PRPF39: variants seen among roughly 807,000 people sequenced by gnomAD.
PRPF39 encodes the protein pre-mRNA-processing factor 39.
A neutral mutation model predicts 82.1 loss-of-function variants in PRPF39; 27 were observed. The observed-to-expected ratio is 0.33, with a 90% CI of 0.24 to 0.45. The LOEUF (loss-of-function observed/expected upper bound fraction) is 0.45, where lower values mean the gene tolerates loss of function less well. PRPF39 is among the 20% of genes least tolerant of loss of function. The pLI, the probability that PRPF39 is intolerant of heterozygous loss-of-function variation, is 1.00. For missense variants in PRPF39, 581 were observed against 796.9 expected (o/e 0.73, Z 3.26); for synonymous variants, 261 against 256.4 (o/e 1.02, Z -0.17).
Position 45,108,431 on chromosome 14 carries a change from A to G in PRPF39, c.920A>G (p.Glu307Gly). The G allele has an allele frequency of 6.3e-7, 1 of 1,580,472 alleles. No individual in the cohort carries two copies. The highest frequency in any genetic ancestry group is 8.5e-7 in the Non-Finnish European group (1 of 1,170,000). ...CTTCCCAAGCTAATTACAGAAATAG[A>G]AAACATGAGACATAGAATCATTGAG... Reference protein sequence around the residue: ...TDPAKLITEIENMRHRIIEIH... With the variant: ...TDPAKLITEIGNMRHRIIEIH... The change falls in exon 7 of 14, where the codon GAA becomes GGA. Residue 307 changes from glutamate to glycine, a missense_variant. Glu to Gly is a moderately conservative substitution (Grantham distance 98, BLOSUM62 -2). Coordinates refer to ENST00000355765, the MANE Select transcript of PRPF39 (RefSeq NM_017922.4).
In PRPF39 at chr14:45,096,947, A is replaced by C; in HGVS notation, c.511A>C (p.Asn171His). ...LSVDLWIHYI[N>H]FLKETLDPGD... ...TGTTGACCTTTGGATACATTATATAAACTTCTTAAAAGAAACATTGGACCC... is the reference window on the plus strand; with the variant it reads ...TGTTGACCTTTGGATACATTATATACACTTCTTAAAAGAAACATTGGACCC... The change falls in exon 4 of 14, where the codon AAC becomes CAC. Residue 171 changes from asparagine to histidine, a missense_variant. By Grantham distance (68) the Asn-to-His change is moderately conservative. Transcript: ENST00000355765. 6.4e-7 allele frequency: 1 copy of C among 1,553,072 alleles called. No individual in the cohort carries two copies. Among genetic ancestry groups the C allele is most frequent in the Non-Finnish European group, 8.7e-7 (1 of 1,148,018 alleles).
Position 45,110,955 on chromosome 14 carries a change from A to G in PRPF39, c.1572+138A>G. On this transcript the variant is annotated intron_variant, in intron 10 of 13. Transcript: ENST00000355765. This position sits in a 1 kb window ranked among gnomAD's most constrained non-coding sequence, Gnocchi z 4.0. ...CTAAATGAGGACAACAGTCCCTCTA[A>G]ACTGATGTTGCCATTTAAAAATTTT... 1.2e-6 allele frequency: 1 copy of G among 859,418 alleles called. No homozygotes were observed. The highest frequency in any genetic ancestry group is 2.7e-5 in the East Asian group (1 of 37,194). The allele number at this position is 859,418 out of a possible 1,614,324, so 53.2% of individuals were successfully genotyped here.
At chr14:45,086,685 A>T (rs1449054556) in intron 1 of PRPF39, among the ~76,000 whole-genome samples, 1 of 152,190 alleles carries the variant, frequency 6.6e-6, no homozygotes, top group Admixed American at 6.5e-5. Flanking sequence ...GTTACACGGC[A>T]AGTATTATTT....
In PRPF39 at chr14:45,110,505, T is replaced by C. The variant is rs999418303; in HGVS notation, c.1304-44T>C. On this transcript the variant is annotated intron_variant, in intron 9 of 13. Coordinates refer to ENST00000355765, the MANE Select transcript of PRPF39 (RefSeq NM_017922.4). The surrounding 1 kb of genome is among the most constrained non-coding windows in gnomAD (Gnocchi z 4.0). Reference sequence around the variant, plus strand: ...CAGTATCTGGTTATAAACGTTATTTTGGTTGTTTAAACCAAAGCATAAACA... The same window carrying C: ...CAGTATCTGGTTATAAACGTTATTTCGGTTGTTTAAACCAAAGCATAAACA... The C allele has an allele frequency of 6.6e-7, 1 of 1,514,596 alleles. No individual in the cohort carries two copies. The highest frequency in any genetic ancestry group is 2.5e-5 in the East Asian group (1 of 40,670). 93.8% of individuals were successfully genotyped at this position (1,514,596 alleles called of 1,614,324 possible).
At chr14:45,109,499 TA>T (rs1884639793) in intron 7 of PRPF39, 116 bp from the exon 8 acceptor site, 1 of 844,804 alleles carries the variant, frequency 1.2e-6, no homozygotes, top group Admixed American at 3.8e-5. Flanking sequence ...AATTATGAAA[TA>T]TGATTAAAAA....
intron 7 of PRPF39, among the ~76,000 whole-genome samples, chr14:45,108,780 T>A (rs964710998): frequency 6.6e-6 from 1 of 152,204 alleles, no homozygotes; most frequent in Non-Finnish European, 1.5e-5. Flanking sequence ...AATTGTTCAA[T>A]TTTTAAAAGT....
Position 45,110,613 on chromosome 14 carries a change from G to C in PRPF39, c.1368G>C (p.Met456Ile). Residue 456 changes from methionine to isoleucine, a missense_variant, in exon 10 of 14, where the codon ATG becomes ATC. Transcript: ENST00000355765. This position sits in a 1 kb window ranked among gnomAD's most constrained non-coding sequence, Gnocchi z 4.0. ...AAGAATGTGTTCTAGGATTGGCAAT[G>C]GTTCGTTTACGAAGAGTAAGTTTAG... ...TFEECVLGLA[M>I]VRLRRVSLER... 1.9e-6 allele frequency: 3 copies of C among 1,572,324 alleles called. No individual in the cohort carries two copies. The highest frequency in any genetic ancestry group is 2.6e-6 in the Non-Finnish European group (3 of 1,157,304).
In PRPF39 at chr14:45,110,991, T is replaced by C; in HGVS notation, c.1572+174T>C. On this transcript the variant is annotated intron_variant, in intron 10 of 13. Transcript: ENST00000355765. The surrounding 1 kb of genome is among the most constrained non-coding windows in gnomAD (Gnocchi z 4.0). The stretch of plus-strand genomic sequence containing the variant: ...CCATTTAAAAATTTTTTTCAAATTG[T>C]TTTGAATTAAAAGTTTTAGACATTA... 3 of 638,658 alleles carry C rather than the reference T, an allele frequency of 4.7e-6. No individual in the cohort carries two copies. Among genetic ancestry groups the C allele is most frequent in the Non-Finnish European group, 7.8e-6 (3 of 383,444 alleles). 39.6% of individuals were successfully genotyped at this position (638,658 alleles called of 1,614,324 possible).
intron 4 of PRPF39, 22 bp from the exon 5 acceptor site, chr14:45,102,505 CTT>C (rs552007190): frequency 2.7e-5 from 42 of 1,550,634 alleles, no homozygotes; most frequent in Non-Finnish European, 3.4e-5. Context: ...GGAAAGATAA[CTT>C]AAGAGTAATT....
chr14:45,095,658 G>C, intron 2 of PRPF39, 95 bp downstream of exon 2: 2 of 1,395,452 alleles, frequency 1.4e-6, no homozygotes, highest in Non-Finnish European at 1.9e-6. Context: ...GATTAAAATT[G>C]ACTCATAATT....
chr14:45,095,166 C>T, intron 1 of PRPF39, 55 bp from the exon 2 acceptor site: 1 of 1,244,894 alleles, frequency 8.0e-7, no homozygotes, highest in Non-Finnish European at 1.1e-6. Flanking sequence ...TTGTTGAGGC[C>T]AAATAATTTT....
In PRPF39 at chr14:45,116,209, C is replaced by A; in HGVS notation, c.*1296C>A. The A allele has an allele frequency of 1.2e-6, 2 of 1,610,438 alleles. No homozygotes were observed. The highest frequency in any genetic ancestry group is 1.7e-6 in the Non-Finnish European group (2 of 1,176,848). ...GAAGCACTGCTATTTCAATCAATAT[C>A]CACTAATTCCACTTCAAAAGTGAGT... On this transcript the variant is annotated 3_prime_UTR_variant, in exon 14 of 14. Coordinates refer to ENST00000355765, the MANE Select transcript of PRPF39 (RefSeq NM_017922.4).
rs193157635 is a variant in PRPF39, at chr14:45,112,560, T to C, written c.1757+58T>C. ...ATAAATGAGCATTGATATTTTTGTA[T>C]GGGGATTTGATGATTAGTATAGATT... On this transcript the variant is annotated intron_variant, in intron 11 of 13. Transcript: ENST00000355765. The C allele has an allele frequency of 4.9e-3, 6,757 of 1,390,062 alleles. 23 individuals carry two copies. The highest frequency in any genetic ancestry group is 5.7e-3 in the Non-Finnish European group (6,091 of 1,065,948). 86.1% of individuals were successfully genotyped at this position (1,390,062 alleles called of 1,614,324 possible).
At chr14:45,106,687 C>G (rs904227875) in intron 5 of PRPF39, among the ~76,000 whole-genome samples, 13 of 152,042 alleles carry the variant, frequency 8.6e-5, no homozygotes, top group Admixed American at 5.2e-4. Flanking sequence ...TGAGAGTCAT[C>G]ATGGTATACT....
chr14:45,108,134 C>T (rs1244957352), intron 6 of PRPF39, among the ~76,000 whole-genome samples: 3 of 151,340 alleles, frequency 2.0e-5, no homozygotes, highest in African/African-American at 7.3e-5. Context: ...TACAAGACAC[C>T]CCAAAAAAAA....
intron 7 of PRPF39, 102 bp from the exon 8 acceptor site, chr14:45,109,514 T>C (rs1469227826): frequency 1.6e-5 from 15 of 946,402 alleles, no homozygotes; most frequent in Non-Finnish European, 2.1e-5. Flanking sequence ...TTAAAAATTT[T>C]AATCATCAAT....
At chr14:45,098,443 T>C (rs1267403338) in intron 4 of PRPF39, among the ~76,000 whole-genome samples, 1 of 146,856 alleles carries the variant, frequency 6.8e-6, no homozygotes, top group African/African-American at 2.5e-5. Flanking sequence ...CAAGACCCTG[T>C]CTCAAAAAAA....
At chr14:45,091,175 G>C (rs113599868) in intron 1 of PRPF39, among the ~76,000 whole-genome samples, 2,652 of 151,614 alleles carry the variant, frequency 0.017, 89 homozygotes, top group African/African-American at 0.061. Flanking sequence ...ATCTTGCTCT[G>C]TCTCCCAGGC....
chr14:45,084,334 G>C (rs1306500537), intron 1 of PRPF39, 85 bp downstream of exon 1: 1 of 152,740 alleles, frequency 6.5e-6, no homozygotes, highest in Non-Finnish European at 1.5e-5. Context: ...TTCAGGCCGC[G>C]CTCTGGCCGC....
Sources: allele counts gnomAD v4.1 joint callset (sites outside exome capture counted in the v4.1 genomes callset), GRCh38; gene constraint gnomAD v4.1.1; non-coding constraint Gnocchi (gnomAD v3.1); transcripts MANE v1.5; gene names NCBI Gene and HGNC (gene_info 2026-07-23, HGNC 2026-07-21).